The following EYS variants were observed in gnomAD, a reference collection of about 807,000 sequenced individuals.
EYS encodes protein eyes shut homolog.
In EYS, 250 loss-of-function variants were observed where a neutral mutation model predicts 282.1. The observed-to-expected ratio is 0.89, with a 90% CI of 0.80 to 0.98. The LOEUF is 0.98. EYS is among the 50% of genes least tolerant of loss of function. EYS has a pLI of 0.00. For synonymous variants in EYS, 1,355 were observed against 1,282.9 expected (o/e 1.06, Z -1.20); for missense variants, 4,016 against 3,709.0 (o/e 1.08, Z -2.15).
chr6:64,056,962 C>A (rs1456389322), intron 33 of EYS, among the ~76,000 whole-genome samples: 1 of 152,042 alleles, frequency 6.6e-6, no homozygotes. Flanking sequence ...ATATTACTGG[C>A]AATTAGAATT....
At chr6:64,215,833 G>A (rs1424513598) in intron 31 of EYS, among the ~76,000 whole-genome samples, 1 of 152,066 alleles carries the variant, frequency 6.6e-6, no homozygotes, top group East Asian at 1.9e-4. Context: ...AAATACAATA[G>A]AGAAAGGCAT....
chr6:64,412,168 C>T (rs1020063712), intron 28 of EYS, among the ~76,000 whole-genome samples: 1 of 151,414 alleles, frequency 6.6e-6, no homozygotes, highest in Non-Finnish European at 1.5e-5. Context: ...CAAAATTTTG[C>T]CTATACACAG....
At chr6:63,742,083 CTT>C (rs1769090279) in intron 41 of EYS, 3 of 661,706 alleles carry the variant, frequency 4.5e-6, no homozygotes, top group Non-Finnish European at 8.4e-6. Flanking sequence ...TTTGAAACCT[CTT>C]TAACTCTTCA....
intron 22 of EYS, among the ~76,000 whole-genome samples, chr6:64,688,981 C>A (rs986753685): frequency 2.0e-5 from 3 of 151,712 alleles, no homozygotes; most frequent in Non-Finnish European, 2.9e-5. Context: ...GGCAATCAGG[C>A]AGGAGAAGGA....
At chr6:64,929,066 C>CT (rs1237478892) in intron 15 of EYS, among the ~76,000 whole-genome samples, 3 of 151,986 alleles carry the variant, frequency 2.0e-5, no homozygotes, top group African/African-American at 4.8e-5. Flanking sequence ...AAAATGTGGC[C>CT]TTTTTTGAAA....
intron 22 of EYS, among the ~76,000 whole-genome samples, chr6:64,772,004 A>G (rs933038130): frequency 1.3e-5 from 2 of 151,804 alleles, no homozygotes; most frequent in South Asian, 4.1e-4. Context: ...TATTTTTCAA[A>G]ATGTTAATAT....
intron 22 of EYS, among the ~76,000 whole-genome samples, chr6:64,803,540 G>A (rs375473168): frequency 1.3e-5 from 2 of 152,122 alleles, no homozygotes; most frequent in East Asian, 1.9e-4. Flanking sequence ...TTGAAGGTGG[G>A]GCATCAATGG....
At chr6:64,451,612 A>C (rs532656177) in intron 26 of EYS, among the ~76,000 whole-genome samples, 1 of 152,334 alleles carries the variant, frequency 6.6e-6, no homozygotes, top group East Asian at 1.9e-4. Context: ...AATCCTCAAT[A>C]AAATACTGGC....
chr6:64,368,604 T>A (rs940352309), intron 29 of EYS, among the ~76,000 whole-genome samples: 1 of 152,144 alleles, frequency 6.6e-6, no homozygotes, highest in African/African-American at 2.4e-5. Flanking sequence ...ATAGCCATTC[T>A]GATGGTGTGA....
chr6:64,267,095 T>C (rs1346905063), intron 30 of EYS, among the ~76,000 whole-genome samples: 1 of 152,166 alleles, frequency 6.6e-6, no homozygotes, highest in East Asian at 1.9e-4. Context: ...TTTACATATG[T>C]AGGACTTTTA....
intron 42 of EYS, 138 bp from the exon 43 acceptor site, chr6:63,721,935 T>C: frequency 1.3e-6 from 1 of 758,514 alleles, no homozygotes; most frequent in Non-Finnish European, 2.1e-6. Flanking sequence ...TGTGTTAGTT[T>C]TGTTTCCACT....
At chr6:64,691,196 G>T (rs189550805) in intron 22 of EYS, among the ~76,000 whole-genome samples, 2 of 152,050 alleles carry the variant, frequency 1.3e-5, no homozygotes, top group African/African-American at 4.8e-5. Flanking sequence ...TGTAACATTA[G>T]ATTTCATAGT....
chr6:64,452,311 G>A (rs2150478322), intron 26 of EYS, among the ~76,000 whole-genome samples: 1 of 152,106 alleles, frequency 6.6e-6, no homozygotes, highest in East Asian at 1.9e-4. Flanking sequence ...GGGATGTGAA[G>A]GACCTCTTCA....
At chr6:65,319,204 C>CAAAAAAAAAAAAAAAAAA (rs55687610) in intron 11 of EYS, among the ~76,000 whole-genome samples, 4 of 44,394 alleles carry the variant, frequency 9.0e-5, no homozygotes, top group Non-Finnish European at 1.6e-4. Context: ...ACTAAAAATG[C>CAAAAAAAAAAAAAAAAAA]AAAAAAAAAA....
chr6:64,207,908 C>T (rs1765656869), intron 31 of EYS, among the ~76,000 whole-genome samples: 1 of 152,164 alleles, frequency 6.6e-6, no homozygotes, highest in African/African-American at 2.4e-5. Context: ...ATCTGCTTGC[C>T]TTGACCTCCC....
chr6:65,178,668 C>A (rs1275949109), intron 12 of EYS, among the ~76,000 whole-genome samples: 1 of 151,984 alleles, frequency 6.6e-6, no homozygotes, highest in Non-Finnish European at 1.5e-5. Flanking sequence ...AGAAAGTTAA[C>A]AAGGATATCC....
intron 31 of EYS, among the ~76,000 whole-genome samples, chr6:64,107,301 A>G (rs1287363903): frequency 1.4e-5 from 2 of 138,316 alleles, no homozygotes; most frequent in South Asian, 4.5e-4. Context: ...ATATATATAT[A>G]TATATATATA....
At chr6:64,185,933 G>A (rs1013502689) in intron 31 of EYS, among the ~76,000 whole-genome samples, 1 of 152,090 alleles carries the variant, frequency 6.6e-6, no homozygotes, top group African/African-American at 2.4e-5. Flanking sequence ...TGATAGAGCT[G>A]GCCCTAGACT....
At chr6:64,357,641 G>A (rs1771868943) in intron 29 of EYS, among the ~76,000 whole-genome samples, 1 of 151,628 alleles carries the variant, frequency 6.6e-6, no homozygotes, top group Non-Finnish European at 1.5e-5. Context: ...TCTGATTCTA[G>A]TTATGTAATA....
Sources: allele counts gnomAD v4.1 joint callset (sites outside exome capture counted in the v4.1 genomes callset), GRCh38; gene constraint gnomAD v4.1.1; transcripts MANE v1.5; gene names NCBI Gene and HGNC (gene_info 2026-07-23, HGNC 2026-07-21).